NELL1: variants seen among roughly 807,000 people sequenced by gnomAD.
NELL1 encodes the protein protein kinase C-binding protein NELL1.
In NELL1, 76 loss-of-function variants were observed where a neutral mutation model predicts 107.4. That is an observed-to-expected ratio of 0.71 (90% confidence interval 0.59 to 0.86). The LOEUF is 0.86. Among genes scored for constraint, NELL1 ranks in the 40% least tolerant of loss-of-function variants. The pLI is 0.00. For missense variants in NELL1, 1,024 were observed against 1,005.5 expected (o/e 1.02, Z -0.25); for synonymous variants, 353 against 341.2 (o/e 1.03, Z -0.38).
chr11:21,000,666 T>C (rs1166528985), intron 12 of NELL1, among the ~76,000 whole-genome samples: 1 of 152,230 alleles, frequency 6.6e-6, no homozygotes, highest in African/African-American at 2.4e-5. Context: ...TTTATATAGA[T>C]CAAATTAATT....
In NELL1 at chr11:20,669,899, C is replaced by G. The variant is rs531824137; in HGVS notation, c.55+121C>G. On this transcript the variant is annotated intron_variant, in intron 1 of 19. Coordinates refer to ENST00000357134, the MANE Select transcript of NELL1 (RefSeq NM_006157.5). The surrounding 1 kb of genome is among the most constrained non-coding windows in gnomAD (Gnocchi z 4.4). ...TCTGGGGAACGGCGGTAGCGTGGAC[C>G]GGTTCCTGGGATCTCTTTGCCCTGC... 3 of 802,828 alleles carry G rather than the reference C, an allele frequency of 3.7e-6. No individual in the cohort carries two copies. In the South Asian group the frequency reaches 4.4e-5, roughly 12 times the overall value. 49.7% of individuals were successfully genotyped at this position (802,828 alleles called of 1,614,324 possible). A position where few individuals can be genotyped will look rare whatever the true frequency, so the allele number is the denominator to read the frequency against.
chr11:21,137,058 AGGCATGT>A (rs1206580125), intron 13 of NELL1, among the ~76,000 whole-genome samples: 2 of 152,212 alleles, frequency 1.3e-5, no homozygotes, highest in Non-Finnish European at 2.9e-5. Flanking sequence ...GAGAAGGAGG[AGGCATGT>A]GGTAAAGAAA....
chr11:21,003,641 T>C (rs1395468333), intron 12 of NELL1, among the ~76,000 whole-genome samples: 1 of 152,146 alleles, frequency 6.6e-6, no homozygotes, highest in East Asian at 1.9e-4. Flanking sequence ...CAGAGACCTA[T>C]GGACCTGTGT....
chr11:21,557,071 A>T (rs1261535612), intron 16 of NELL1, among the ~76,000 whole-genome samples: 1 of 151,912 alleles, frequency 6.6e-6, no homozygotes, highest in East Asian at 1.9e-4. Flanking sequence ...ATAATAGATT[A>T]AGTTGGCTTT....
chr11:21,436,904 C>G (rs1304582574), intron 15 of NELL1, among the ~76,000 whole-genome samples: 1 of 151,936 alleles, frequency 6.6e-6, no homozygotes, highest in African/African-American at 2.4e-5. Context: ...ATTTAATTTC[C>G]CTTTATTTGC....
chr11:20,707,662 C>G (rs990791860), intron 2 of NELL1, among the ~76,000 whole-genome samples: 8 of 152,150 alleles, frequency 5.3e-5, no homozygotes, highest in African/African-American at 1.7e-4. Context: ...CTGGGTTTCA[C>G]CAGTAGAGGC....
intron 2 of NELL1, among the ~76,000 whole-genome samples, chr11:20,725,905 T>C (rs1855497208): frequency 6.6e-6 from 1 of 152,200 alleles, no homozygotes; most frequent in Non-Finnish European, 1.5e-5. Context: ...TTCTTCCTCC[T>C]TCCCCACTCT....
At chr11:21,023,056 C>T (rs541446003) in intron 12 of NELL1, among the ~76,000 whole-genome samples, 4 of 152,002 alleles carry the variant, frequency 2.6e-5, no homozygotes, top group Non-Finnish European at 4.4e-5. Context: ...GAAGAATACT[C>T]ACTGAAATTT....
intron 13 of NELL1, among the ~76,000 whole-genome samples, chr11:21,183,917 C>T (rs898354077): frequency 4.6e-5 from 7 of 151,754 alleles, no homozygotes; most frequent in East Asian, 1.9e-4. Context: ...AAAAAATCTG[C>T]GTTTCCGTTA....
chr11:21,260,230 C>T (rs1021446703), intron 14 of NELL1: 9 of 151,832 alleles, frequency 5.9e-5, no homozygotes, highest in Admixed American at 1.3e-4. Context: ...CATATTGGCT[C>T]ATTGTGGACA....
At chr11:20,835,634 T>G (rs546315680) in intron 3 of NELL1, among the ~76,000 whole-genome samples, 5 of 152,212 alleles carry the variant, frequency 3.3e-5, no homozygotes, top group African/African-American at 1.2e-4. Context: ...GACAAAATAG[T>G]ATGTTTATAC....
intron 10 of NELL1, 60 bp downstream of exon 10, chr11:20,937,919 C>A (rs8176791): frequency 0.095 from 144,527 of 1,527,444 alleles, 10,785 homozygotes; most frequent in African/African-American, 0.32. Context: ...GATGTGTGGG[C>A]TTTAGATGAG....
At chr11:21,382,352 T>C (rs1851634485) in intron 15 of NELL1, among the ~76,000 whole-genome samples, 1 of 151,978 alleles carries the variant, frequency 6.6e-6, no homozygotes, top group South Asian at 2.1e-4. Context: ...TTAACAACTA[T>C]TACATTATTG....
chr11:20,969,313 C>T (rs555899214), intron 12 of NELL1, among the ~76,000 whole-genome samples: 4 of 152,158 alleles, frequency 2.6e-5, no homozygotes, highest in South Asian at 2.1e-4. Context: ...TTCCCCTGTG[C>T]TGCAGTTCTG....
At chr11:20,870,138 G>A (rs986086456) in intron 4 of NELL1, among the ~76,000 whole-genome samples, 10 of 152,146 alleles carry the variant, frequency 6.6e-5, no homozygotes, top group Non-Finnish European at 1.3e-4. Context: ...TAGGTAAGTA[G>A]GGCAGGCATC....
At chr11:21,555,967 T>G (rs1856693863) in intron 16 of NELL1, among the ~76,000 whole-genome samples, 2 of 151,916 alleles carry the variant, frequency 1.3e-5, no homozygotes, top group African/African-American at 4.8e-5. Context: ...GATTTGAAAT[T>G]TATTGTGCAG....
intron 12 of NELL1, among the ~76,000 whole-genome samples, chr11:20,975,894 A>G (rs1287455353): frequency 1.6e-5 from 2 of 125,136 alleles, no homozygotes; most frequent in East Asian, 2.4e-4. Context: ...TGTATTATAT[A>G]TACATATATG....
chr11:20,726,329 A>G (rs554996831), intron 2 of NELL1, among the ~76,000 whole-genome samples: 14 of 152,332 alleles, frequency 9.2e-5, no homozygotes, highest in South Asian at 8.3e-4. Context: ...TCATAAAGAA[A>G]TGTGTACAAA....
chr11:21,429,431 A>G (rs1415946137), intron 15 of NELL1, among the ~76,000 whole-genome samples: 1 of 152,208 alleles, frequency 6.6e-6, no homozygotes, highest in Non-Finnish European at 1.5e-5. Context: ...GTTTGACTTT[A>G]TTAAAATCTG....
Sources: gnomAD v4.1 joint callset for allele counts (sites outside exome capture counted in the v4.1 genomes callset) on GRCh38, gnomAD v4.1.1 for gene constraint, Gnocchi (gnomAD v3.1) non-coding constraint, MANE v1.5 for transcripts, NCBI Gene and HGNC (gene_info 2026-07-23, HGNC 2026-07-21) for gene names.